Variants in LARGE1 observed in about 807,000 individuals in gnomAD.
LARGE1 encodes xylosyl- and glucuronyltransferase LARGE1.
LARGE1 carries 43 observed loss-of-function variants against 87.6 expected under a neutral mutation model. The observed-to-expected ratio is 0.49, with a 90% CI of 0.38 to 0.63. The LOEUF (loss-of-function observed/expected upper bound fraction) is 0.63. Among genes scored for constraint, LARGE1 ranks in the 30% least tolerant of loss-of-function variants. The pLI is 0.00. For missense variants in LARGE1, 802 were observed against 1,000.2 expected (o/e 0.80, Z 2.67); for synonymous variants, 434 against 394.6 (o/e 1.10, Z -1.18).
intron 1 of LARGE1, among the ~76,000 whole-genome samples, chr22:33,919,102 GAAA>G (rs5845124): frequency 3.1e-5 from 4 of 127,332 alleles, no homozygotes; most frequent in Admixed American, 7.9e-5. Context: ...GCACAGAGAC[GAAA>G]AAAAAAAAAA....
intron 6 of LARGE1, among the ~76,000 whole-genome samples, chr22:33,442,794 C>CT (rs559941819): frequency 0.015 from 2,142 of 140,146 alleles, 17 homozygotes; most frequent in African/African-American, 0.019. Flanking sequence ...ATACTGATAG[C>CT]TTTTTTTTTT....
the LARGE1 span, among the ~76,000 whole-genome samples, chr22:33,133,696 C>G: frequency 0.39 from 59,462 of 152,028 alleles, 12,139 homozygotes; most frequent in African/African-American, 0.5. Context: ...TATATACCCA[C>G]TAATGGGATT....
the LARGE1 span, among the ~76,000 whole-genome samples, chr22:33,156,723 G>C: frequency 6.6e-6 from 1 of 152,112 alleles, no homozygotes; most frequent in Non-Finnish European, 1.5e-5. Context: ...AGGCATGATT[G>C]GTTTTGAAAT....
intron 1 of LARGE1, among the ~76,000 whole-genome samples, chr22:33,810,347 G>C (rs2086453250): frequency 6.6e-6 from 1 of 152,088 alleles, no homozygotes; most frequent in Non-Finnish European, 1.5e-5. Context: ...GTACTCTCTG[G>C]ACCTCCGCTG....
At chr22:33,337,331 T>C (rs2146565239) in intron 10 of LARGE1, among the ~76,000 whole-genome samples, 1 of 152,274 alleles carries the variant, frequency 6.6e-6, no homozygotes, top group East Asian at 1.9e-4. Context: ...ACATTGGTGT[T>C]TCCTGGCTAT....
chr22:33,907,002 G>C (rs1037303735), intron 1 of LARGE1, among the ~76,000 whole-genome samples: 5 of 151,930 alleles, frequency 3.3e-5, no homozygotes, highest in African/African-American at 9.7e-5. Flanking sequence ...CCAAGCAGAA[G>C]AAAAAGGAAA....
chr22:33,224,408 T>C (rs1276903700), intron 11 of LARGE1, among the ~76,000 whole-genome samples: 1 of 152,182 alleles, frequency 6.6e-6, no homozygotes, highest in Non-Finnish European at 1.5e-5. Flanking sequence ...CCTTCATGAC[T>C]TTTTCCATAC....
intron 1 of LARGE1, among the ~76,000 whole-genome samples, chr22:33,860,141 A>C (rs945183746): frequency 1.3e-5 from 2 of 152,072 alleles, no homozygotes; most frequent in African/African-American, 4.8e-5. Context: ...AAAAATTTTA[A>C]ATTTTTTTTT....
chr22:33,117,162 A>T, the LARGE1 span, among the ~76,000 whole-genome samples: 3 of 152,220 alleles, frequency 2.0e-5, no homozygotes, highest in Non-Finnish European at 4.4e-5. Context: ...CTACCTTCCT[A>T]GTTACCTTCC....
At chr22:33,315,989 G>T (rs1413997976) in intron 11 of LARGE1, 96 bp downstream of exon 11, 1 of 1,366,390 alleles carries the variant, frequency 7.3e-7, no homozygotes, top group Non-Finnish European at 1.0e-6. Context: ...AATTTTAGCA[G>T]ATGCACTGGG....
chr22:33,129,983 G>A, the LARGE1 span, among the ~76,000 whole-genome samples: 4 of 152,130 alleles, frequency 2.6e-5, no homozygotes, highest in Admixed American at 6.5e-5. Context: ...AAAAGCGTAT[G>A]TGAGCTCTAT....
At chr22:33,356,781 GA>G in intron 9 of LARGE1, among the ~76,000 whole-genome samples, 1 of 151,516 alleles carries the variant, frequency 6.6e-6, no homozygotes, top group Non-Finnish European at 1.5e-5. Context: ...AAAAGAAAAA[GA>G]AAAAAAGAAA....
intron 6 of LARGE1, among the ~76,000 whole-genome samples, chr22:33,498,087 G>T (rs1312750838): frequency 6.6e-6 from 1 of 152,102 alleles, no homozygotes; most frequent in African/African-American, 2.4e-5. Flanking sequence ...GTTTCGGCAT[G>T]TTGGTTAGGC....
At chr22:33,310,535 A>G (rs1331778504) in intron 11 of LARGE1, among the ~76,000 whole-genome samples, 1 of 152,090 alleles carries the variant, frequency 6.6e-6, no homozygotes, top group African/African-American at 2.4e-5. Context: ...GGAATTCCAG[A>G]GGGAGCTGCG....
chr22:33,121,150 A>G, the LARGE1 span, among the ~76,000 whole-genome samples: 1 of 152,062 alleles, frequency 6.6e-6, no homozygotes. Context: ...GGATAATGAC[A>G]TCTAATTGTT....
intron 6 of LARGE1, among the ~76,000 whole-genome samples, chr22:33,447,265 G>C (rs1032517175): frequency 6.6e-6 from 1 of 152,208 alleles, no homozygotes; most frequent in Non-Finnish European, 1.5e-5. Context: ...TGAGCAGGTG[G>C]AAATCAAGCA....
Position 33,458,758 on chromosome 22 carries a change from T to C in LARGE1, c.788-26493A>G, listed in dbSNP as rs143682364. On this transcript the variant is annotated intron_variant, in intron 6 of 14. Transcript: ENST00000397394. Reference sequence around the variant, plus strand: ...TTACTTTTTTATTAGGAACTAAATCTAGAGGGAAGAGTTGGCTCAAGCTAT... The same window carrying C: ...TTACTTTTTTATTAGGAACTAAATCCAGAGGGAAGAGTTGGCTCAAGCTAT... Among the ~76,000 whole-genome samples the C allele has an allele frequency of 5.6e-3, 851 of 152,292 alleles. 4 individuals are homozygous for C. Among genetic ancestry groups the C allele is most frequent in the African/African-American group, 0.019 (796 of 41,570 alleles).
intron 2 of LARGE1, among the ~76,000 whole-genome samples, chr22:33,665,204 TCTGTCCC>T (rs2081233803): frequency 6.6e-6 from 1 of 152,200 alleles, no homozygotes; most frequent in Non-Finnish European, 1.5e-5. Context: ...TTTCTTTCAC[TCTGTCCC>T]CTGGTTTATT....
chr22:33,837,255 T>TAC lies in LARGE1; in HGVS notation c.-82-75698_-82-75697insGT, dbSNP rs1479225932. ...TATATATGGAGTAGAGAGTATTACA[T>TAC]ATACACACACACACACACACACACA... On this transcript the variant is annotated intron_variant, in intron 1 of 14. Transcript: ENST00000397394. Among the ~76,000 whole-genome samples the TAC allele has an allele frequency of 5.9e-5, 5 of 84,610 alleles. No homozygotes were observed. In the East Asian group the frequency reaches 1.6e-3, roughly 28 times the overall value. The allele number at this position is 84,610 out of a possible 152,430, so 55.5% of individuals were successfully genotyped here. A position where few individuals can be genotyped will look rare whatever the true frequency, so the allele number is the denominator to read the frequency against.
Sources: gnomAD v4.1 joint callset for allele counts (sites outside exome capture counted in the v4.1 genomes callset) on GRCh38, gnomAD v4.1.1 for gene constraint, MANE v1.5 for transcripts, NCBI Gene and HGNC (gene_info 2026-07-23, HGNC 2026-07-21) for gene names.